Variants in PCYT1A observed in about 807,000 individuals in gnomAD.
PCYT1A encodes the protein phosphate cytidylyltransferase 1A, choline.
PCYT1A carries 25 observed loss-of-function variants against 43.7 expected under a neutral mutation model. The observed-to-expected ratio is 0.57, with a 90% CI of 0.42 to 0.80. The LOEUF (loss-of-function observed/expected upper bound fraction) is 0.80. Ranked by LOEUF, PCYT1A falls within the 30% of genes least tolerant of loss-of-function variation. The probability of loss-of-function intolerance (pLI) is 0.00; values close to 1 mark genes in which losing one functional copy is unlikely to be tolerated. For missense variants in PCYT1A, 421 were observed against 474.2 expected, an observed-to-expected ratio of 0.89 and a Z score of 1.04; for synonymous variants, 172 against 170.7, an observed-to-expected ratio of 1.01 and a Z score of -0.06.
Position 196,248,239 on chromosome 3 carries a change from T to C in PCYT1A, c.302A>G (p.Asn101Ser), listed in dbSNP as rs1724630963. ...GHARALMQAK[N>S]LFPNTYLIVG... is the part of the protein sequence containing the mutation. ...AATGAGGTACGTATTAGGGAAAAGG[T>C]TCTTCGCTTGCATCAGAGCTCGGGC... The change falls in exon 4 of 9, where the codon AAC (asparagine) becomes AGC (serine). Residue 101 changes from asparagine to serine, a missense_variant. Around this residue, in one of 3 missense-constraint regions of PCYT1A, gnomAD observed 174 missense variants for 270.7 expected, o/e 0.64. Transcript: ENST00000431016. The C allele has an allele frequency of 6.2e-7, 1 of 1,611,858 alleles. No individual in the cohort carries two copies. Among genetic ancestry groups the C allele is most frequent in the Non-Finnish European group, 8.5e-7 (1 of 1,177,996 alleles).
At chr3:196,244,410 G>A (rs542602923) in intron 5 of PCYT1A, among the ~76,000 whole-genome samples, 31 of 147,596 alleles carry the variant, frequency 2.1e-4, no homozygotes, top group African/African-American at 7.8e-4. Flanking sequence ...GAGCGCCACT[G>A]CCCCGCCGCC....
At chr3:196,251,188 G>A (rs1724769637) in intron 3 of PCYT1A, among the ~76,000 whole-genome samples, 1 of 151,330 alleles carries the variant, frequency 6.6e-6, no homozygotes, top group Admixed American at 6.6e-5. Flanking sequence ...TGCTGAGGCT[G>A]AGGACCAGAT....
At chr3:196,250,039 G>A in intron 3 of PCYT1A, among the ~76,000 whole-genome samples, 1 of 149,812 alleles carries the variant, frequency 6.7e-6, no homozygotes, top group South Asian at 2.1e-4. Flanking sequence ...ACCATGCCGA[G>A]GCTGAGGACC....
In PCYT1A at chr3:196,242,196, C is replaced by A; in HGVS notation, c.566-106G>T. 8.8e-7 allele frequency: 1 copy of A among 1,141,020 alleles called. No homozygotes were observed. Among genetic ancestry groups the A allele is most frequent in the Non-Finnish European group, 1.3e-6 (1 of 772,020 alleles). The allele number at this position is 1,141,020 out of a possible 1,614,324, so 70.7% of individuals were successfully genotyped here. A position where few individuals can be genotyped will look rare whatever the true frequency, so the allele number is the denominator to read the frequency against. On this transcript the variant is annotated intron_variant, in intron 6 of 8. Coordinates refer to ENST00000431016, the MANE Select transcript of PCYT1A (RefSeq NM_001312673.2). The surrounding 1 kb of genome is among the most constrained non-coding windows in gnomAD (Gnocchi z 4.2). The stretch of plus-strand genomic sequence containing the variant: ...ACATTCCTTTCCTTTCCTCAAAAAG[C>A]AGAATCTGTTATTACTAAATGAAAC...
chr3:196,266,644 C>T (rs539016210), intron 2 of PCYT1A, among the ~76,000 whole-genome samples: 1 of 151,954 alleles, frequency 6.6e-6, no homozygotes, highest in African/African-American at 2.4e-5. Context: ...AATCCCAGCA[C>T]TTCGGGAGGT....
At chr3:196,257,034 T>C (rs960641321) in intron 3 of PCYT1A, among the ~76,000 whole-genome samples, 3 of 152,168 alleles carry the variant, frequency 2.0e-5, no homozygotes, top group Admixed American at 6.5e-5. Flanking sequence ...GAACACTTAG[T>C]AATCAGAAGA....
chr3:196,279,750 G>A (rs923946810), intron 1 of PCYT1A, among the ~76,000 whole-genome samples: 11 of 151,576 alleles, frequency 7.3e-5, no homozygotes, highest in Middle Eastern at 3.2e-3. Flanking sequence ...GAATCTAGGT[G>A]CTGGCATGTC....
At chr3:196,261,240 T>G (rs1725099959) in intron 2 of PCYT1A, among the ~76,000 whole-genome samples, 1 of 152,186 alleles carries the variant, frequency 6.6e-6, no homozygotes, top group Non-Finnish European at 1.5e-5. Context: ...GGTGATGAAA[T>G]GTTCTGGAAT....
rs868309743 is a variant in PCYT1A, at chr3:196,244,066, C to T, written c.487-1426G>A. Among the ~76,000 whole-genome samples, 4 of 150,678 alleles carry T rather than the reference C, an allele frequency of 2.7e-5. No individual in the cohort carries two copies. In the East Asian group the frequency reaches 8.0e-4, roughly 30 times the overall value. On this transcript the variant is annotated intron_variant, in intron 5 of 8. Coordinates refer to ENST00000431016, the MANE Select transcript of PCYT1A (RefSeq NM_001312673.2). ...GAAGTGAGGAGCGCCTCTTCCCGGCCGCCCATCGTCTGAGATGTGGGGAGC... is the reference window on the plus strand; with the variant it reads ...GAAGTGAGGAGCGCCTCTTCCCGGCTGCCCATCGTCTGAGATGTGGGGAGC...
At chr3:196,260,438 T>C (rs1725075725) in intron 2 of PCYT1A, among the ~76,000 whole-genome samples, 1 of 152,194 alleles carries the variant, frequency 6.6e-6, no homozygotes, top group Non-Finnish European at 1.5e-5. Flanking sequence ...TATAAAATAA[T>C]GTGCAGCTTT....
At chr3:196,267,463 C>A in intron 2 of PCYT1A, 1 of 376,990 alleles carries the variant, frequency 2.7e-6, no homozygotes, top group South Asian at 2.0e-5. Context: ...CACCTGTAAT[C>A]CCACACTGTG....
intron 2 of PCYT1A, among the ~76,000 whole-genome samples, chr3:196,259,727 C>G (rs1725050784): frequency 6.6e-6 from 1 of 151,156 alleles, no homozygotes; most frequent in African/African-American, 2.4e-5. Flanking sequence ...TGCCTGTAGT[C>G]CCAGTTACTT....
At chr3:196,255,785 A>G (rs1359363530) in intron 3 of PCYT1A, among the ~76,000 whole-genome samples, 1 of 152,232 alleles carries the variant, frequency 6.6e-6, no homozygotes, top group East Asian at 1.9e-4. Context: ...AATTAGCAAC[A>G]AACTGGATAA....
chr3:196,276,096 CCA>C (rs1725582256), intron 1 of PCYT1A, among the ~76,000 whole-genome samples: 1 of 144,552 alleles, frequency 6.9e-6, no homozygotes, highest in Admixed American at 6.9e-5. Context: ...GACTCCGTCT[CCA>C]AAAAAAAAAA....
At chr3:196,255,320 G>A (rs62409165) in intron 3 of PCYT1A, among the ~76,000 whole-genome samples, 9 of 152,230 alleles carry the variant, frequency 5.9e-5, no homozygotes, top group African/African-American at 1.7e-4. Flanking sequence ...CACCATTCCC[G>A]GGTGAGGTTT....
intron 2 of PCYT1A, among the ~76,000 whole-genome samples, chr3:196,258,122 T>C (rs555651928): frequency 6.6e-6 from 1 of 152,044 alleles, no homozygotes; most frequent in Non-Finnish European, 1.5e-5. Flanking sequence ...AGGTCTCTAC[T>C]AAAGATACAG....
rs992469917 is a variant in PCYT1A, at chr3:196,237,097, C to A, written c.*1591G>T. ...GAGTGGACTATGAGATGCTCACAGT[C>A]CTAGCAGAGGCAAGGAAAGAGAAAA... On this transcript the variant is annotated 3_prime_UTR_variant, in exon 9 of 9. Transcript: ENST00000431016. The A allele has an allele frequency of 6.8e-6, 1 of 146,074 alleles. No homozygotes were observed. The highest frequency in any genetic ancestry group is 1.5e-5 in the Non-Finnish European group (1 of 67,542). 9.0% of individuals were successfully genotyped at this position (146,074 alleles called of 1,614,324 possible). A position where few individuals can be genotyped will look rare whatever the true frequency, so the allele number is the denominator to read the frequency against.
In PCYT1A at chr3:196,252,312, A is replaced by C. The variant is rs888915815; in HGVS notation, c.218-3989T>G. 1.3e-5 allele frequency among the ~76,000 whole-genome samples: 2 copies of C among 151,698 alleles called. No individual in the cohort carries two copies. The highest frequency in any genetic ancestry group is 4.8e-5 in the African/African-American group (2 of 41,242). On this transcript the variant is annotated intron_variant, in intron 3 of 8. Coordinates refer to ENST00000431016, the MANE Select transcript of PCYT1A (RefSeq NM_001312673.2). The surrounding 1 kb of genome is among the most constrained non-coding windows in gnomAD (Gnocchi z 4.0). ...GCCCAGGCTGGAGTGTGGTGACATGATCTAGGCTCACTGCAACCTCTGCCT... is the reference window on the plus strand; with the variant it reads ...GCCCAGGCTGGAGTGTGGTGACATGCTCTAGGCTCACTGCAACCTCTGCCT...
Position 196,242,370 on chromosome 3 carries a change from T to A in PCYT1A, c.565+192A>T, listed in dbSNP as rs1236262064. On this transcript the variant is annotated intron_variant, in intron 6 of 8. Coordinates refer to ENST00000431016, the MANE Select transcript of PCYT1A (RefSeq NM_001312673.2). This position sits in a 1 kb window ranked among gnomAD's most constrained non-coding sequence, Gnocchi z 4.2. ...CCAAAGTAGATGTTTAGACCAAGAATTGATGGATGTCATGAACTGACGACA... is the reference window on the plus strand; with the variant it reads ...CCAAAGTAGATGTTTAGACCAAGAAATGATGGATGTCATGAACTGACGACA... The A allele has an allele frequency of 7.1e-6, 5 of 703,954 alleles. No individual in the cohort carries two copies. Among genetic ancestry groups the A allele is most frequent in the Non-Finnish European group, 1.3e-5 (5 of 380,380 alleles). 43.6% of individuals were successfully genotyped at this position (703,954 alleles called of 1,614,324 possible).
Sources: allele counts gnomAD v4.1 joint callset (sites outside exome capture counted in the v4.1 genomes callset), GRCh38; gene constraint gnomAD v4.1.1; regional missense constraint gnomAD v4.1.1; non-coding constraint Gnocchi (gnomAD v3.1); transcripts MANE v1.5; gene names NCBI Gene and HGNC (gene_info 2026-07-23, HGNC 2026-07-21).